The following EXD3 variants were observed in gnomAD, a reference collection of about 807,000 sequenced individuals.
EXD3 encodes the protein exonuclease mut-7 homolog.
EXD3 carries 92 observed loss-of-function variants against 98.0 expected under a neutral mutation model. That is an observed-to-expected ratio of 0.94 (90% CI 0.79 to 1.12). The LOEUF is 1.12. EXD3 is among the 50% of genes most tolerant of loss of function. EXD3 has a pLI of 0.00. For missense variants in EXD3, 1,222 were observed against 1,191.6 expected, an observed-to-expected ratio of 1.03 and a Z score of -0.38; for synonymous variants, 569 against 526.0, an observed-to-expected ratio of 1.08 and a Z score of -1.12.
intron 6 of EXD3, 122 bp from the exon 7 acceptor site, chr9:137,366,754 C>A (rs1187229228): frequency 7.8e-7 from 1 of 1,284,792 alleles, no homozygotes; most frequent in Non-Finnish European, 1.0e-6. Context: ...CCGTCCAGGC[C>A]CAGCAGTGCT....
intron 3 of EXD3, among the ~76,000 whole-genome samples, chr9:137,378,953 A>C (rs1344096889): frequency 2.2e-5 from 3 of 134,152 alleles, no homozygotes; most frequent in Non-Finnish European, 4.7e-5. Flanking sequence ...TTTGTGGGTG[A>C]CGGTGACCAT....
intron 1 of EXD3, among the ~76,000 whole-genome samples, chr9:137,413,064 G>A (rs560759156): frequency 2.0e-5 from 3 of 152,254 alleles, no homozygotes; most frequent in South Asian, 2.1e-4. Context: ...TTACAGGCGT[G>A]AGCCACCACA....
At chr9:137,410,484 C>CA (rs34834761) in intron 1 of EXD3, among the ~76,000 whole-genome samples, 981 of 72,106 alleles carry the variant, frequency 0.014, 9 homozygotes, top group East Asian at 0.077. Context: ...AACTCTGTCT[C>CA]AAAAAAAAAA....
At chr9:137,419,251 T>C (rs987628059) in intron 1 of EXD3, among the ~76,000 whole-genome samples, 1 of 152,218 alleles carries the variant, frequency 6.6e-6, no homozygotes, top group Non-Finnish European at 1.5e-5. Context: ...GTGATTACGA[T>C]TATATGTTAA....
chr9:137,422,786 G>A (rs1415223784), intron 1 of EXD3, among the ~76,000 whole-genome samples: 1 of 152,148 alleles, frequency 6.6e-6, no homozygotes, highest in African/African-American at 2.4e-5. Flanking sequence ...CGGCGAGGGA[G>A]CGAAGGGCCT....
chr9:137,333,554 G>T, intron 17 of EXD3, among the ~76,000 whole-genome samples: 1 of 152,266 alleles, frequency 6.6e-6, no homozygotes, highest in Admixed American at 6.5e-5. Flanking sequence ...GAGGCCACTC[G>T]ATCATGGGGG....
Position 137,351,111 on chromosome 9 carries a change from G to A in EXD3, c.1421C>T (p.Thr474Met), listed in dbSNP as rs375369461. Residue 474 changes from threonine (T) to methionine (M), a missense_variant, in exon 14 of 22, where the codon ACG becomes ATG. Coordinates refer to ENST00000340951, the MANE Select transcript of EXD3 (RefSeq NM_017820.5). ...GMVGDLQKLGTSCPALAHVEK... is the reference protein window; with the variant it reads ...GMVGDLQKLGMSCPALAHVEK... ...CACATGGGCCAGGGCGGGGCAGGAC[G>A]TGCCCAGTTTTTGCAGGTCCCCCAC... is the stretch of plus-strand genomic sequence containing the variant. The A allele has an allele frequency of 4.2e-5, 66 of 1,583,756 alleles. No homozygotes were observed. The highest frequency in any genetic ancestry group is 1.7e-4 in the Middle Eastern group (1 of 6,044).
intron 1 of EXD3, among the ~76,000 whole-genome samples, chr9:137,420,003 C>CA (rs774082343): frequency 6.6e-6 from 1 of 150,746 alleles, no homozygotes; most frequent in Non-Finnish European, 1.5e-5. Context: ...ACTAAAAATA[C>CA]AAAAAAATTA....
At position 137,347,103 on chromosome 9, in the gene EXD3, C is replaced by A. The variant is rs1833979147; in HGVS notation, c.1998+968G>T. Among the ~76,000 whole-genome samples, 1 of 152,152 alleles carries A rather than the reference C, an allele frequency of 6.6e-6. No individual in the cohort carries two copies. The highest frequency in any genetic ancestry group is 1.5e-5 in the Non-Finnish European group (1 of 68,030). On this transcript the variant is annotated intron_variant, in intron 17 of 21. Coordinates refer to ENST00000340951, the MANE Select transcript of EXD3 (RefSeq NM_017820.5). This position sits in a 1 kb window ranked among gnomAD's most constrained non-coding sequence, Gnocchi z 4.2. The stretch of plus-strand genomic sequence containing the variant: ...TGCAGGGATTACAGGCGTGAGCACC[C>A]AGCCTCCATGTCATTTTTCTAATGC...
intron 20 of EXD3, among the ~76,000 whole-genome samples, chr9:137,308,522 C>T (rs1440715926): frequency 1.3e-5 from 2 of 151,806 alleles, no homozygotes; most frequent in Non-Finnish European, 2.9e-5. Flanking sequence ...TCTTTGCGAG[C>T]GGGGGACCTG....
chr9:137,324,003 G>C lies in EXD3; in HGVS notation c.2052+87C>G, dbSNP rs1296323060. ...GCGCTGGGGGTCGGCCCCACGGCAA[G>C]CTGACCCTGAGGTGGGGGTGGCCGA... On this transcript the variant is annotated intron_variant, in intron 18 of 21. Transcript: ENST00000340951. This position sits in a 1 kb window ranked among gnomAD's most constrained non-coding sequence, Gnocchi z 4.1. 1.3e-6 allele frequency: 2 copies of C among 1,533,626 alleles called. No individual in the cohort carries two copies. The highest frequency in any genetic ancestry group is 1.8e-6 in the Non-Finnish European group (2 of 1,133,430).
chr9:137,371,430 A>T lies in EXD3; in HGVS notation c.462+1475T>A, dbSNP rs565237755. ...ACTCCTGTGAGGGCCCGGCCAGGGC[A>T]GCCCCCGATGCCCGTGCCCAGGTTC... On this transcript the variant is annotated intron_variant, in intron 5 of 21. Coordinates refer to ENST00000340951, the MANE Select transcript of EXD3 (RefSeq NM_017820.5). The surrounding 1 kb of genome is among the most constrained non-coding windows in gnomAD (Gnocchi z 8.0). Among the ~76,000 whole-genome samples, 10 of 152,198 alleles carry T rather than the reference A, an allele frequency of 6.6e-5. No homozygotes were observed. Among genetic ancestry groups the T allele is most frequent in the Non-Finnish European group, 1.3e-4 (9 of 67,976 alleles).
At chr9:137,326,686 T>TA (rs113488439) in intron 17 of EXD3, among the ~76,000 whole-genome samples, 3,114 of 150,728 alleles carry the variant, frequency 0.021, 102 homozygotes, top group East Asian at 0.16. Flanking sequence ...GTGGCCTTTA[T>TA]AAAAAAAAAG....
At chr9:137,415,979 G>A (rs1043515983) in intron 1 of EXD3, among the ~76,000 whole-genome samples, 5 of 152,148 alleles carry the variant, frequency 3.3e-5, no homozygotes, top group African/African-American at 9.7e-5. Flanking sequence ...TGTGCTTTCT[G>A]TTTTGTATTT....
chr9:137,337,365 G>T (rs1418324511), intron 17 of EXD3, among the ~76,000 whole-genome samples: 3 of 152,142 alleles, frequency 2.0e-5, no homozygotes, highest in Non-Finnish European at 4.4e-5. Context: ...GGATAAAGAT[G>T]ATTTAGGCTG....
At chr9:137,411,229 G>A (rs985902205) in intron 1 of EXD3, among the ~76,000 whole-genome samples, 3 of 152,282 alleles carry the variant, frequency 2.0e-5, no homozygotes, top group Admixed American at 1.3e-4. Flanking sequence ...GGGCACGCAC[G>A]CCCAGAAAGG....
intron 17 of EXD3, among the ~76,000 whole-genome samples, chr9:137,337,181 C>T (rs935198862): frequency 9.9e-5 from 15 of 152,054 alleles, no homozygotes; most frequent in South Asian, 2.1e-4. Flanking sequence ...TAAAAGATTT[C>T]ACACAACAGA....
chr9:137,318,821 T>C (rs971906821), intron 19 of EXD3, among the ~76,000 whole-genome samples: 1 of 152,126 alleles, frequency 6.6e-6, no homozygotes, highest in African/African-American at 2.4e-5. Flanking sequence ...GGGTCTCTGC[T>C]GAGTGGTGGG....
chr9:137,320,631 G>A (rs1221093458), intron 19 of EXD3, among the ~76,000 whole-genome samples: 3 of 152,142 alleles, frequency 2.0e-5, no homozygotes, highest in African/African-American at 7.2e-5. Context: ...CTCAGCCCCC[G>A]ACGCCCCCAT....
Sources: gnomAD v4.1 joint callset for allele counts (sites outside exome capture counted in the v4.1 genomes callset) on GRCh38, gnomAD v4.1.1 for gene constraint, Gnocchi (gnomAD v3.1) non-coding constraint, MANE v1.5 for transcripts, NCBI Gene and HGNC (gene_info 2026-07-23, HGNC 2026-07-21) for gene names.